Variants in ZNF304 observed in about 807,000 individuals in gnomAD.
ZNF304 encodes KRAB-containing zinc finger protein.
Under a neutral mutation model 7.8 loss-of-function variants are expected in ZNF304, and 7 were observed. The observed-to-expected ratio is 0.90, with a 90% CI of 0.51 to 1.69. ZNF304 has a LOEUF of 1.69. ZNF304 is among the 40% of genes most tolerant of loss of function. The probability of loss-of-function intolerance (pLI) is 0.00; values close to 1 mark genes in which losing one functional copy is unlikely to be tolerated. For missense variants in ZNF304, 669 were observed against 804.8 expected, an observed-to-expected ratio of 0.83 and a Z score of 2.04; for synonymous variants, 280 against 272.4, an observed-to-expected ratio of 1.03 and a Z score of -0.27.
In ZNF304 at chr19:57,351,548, T is replaced by C; in HGVS notation, c.-117T>C. 1 of 1,344,524 alleles carries C rather than the reference T, an allele frequency of 7.4e-7. No homozygotes were observed. The highest frequency in any genetic ancestry group is 1.2e-5 in the South Asian group (1 of 84,898). The allele number at this position is 1,344,524 out of a possible 1,614,324, so 83.3% of individuals were successfully genotyped here. ...GCAGCCGCCTTAGTCTTGTGAGCGT[T>C]TTTACACCGGGTAGATTGAGACTTG... On this transcript the variant is annotated 5_prime_UTR_variant, in exon 1 of 3. Coordinates refer to ENST00000282286, the MANE Select transcript of ZNF304 (RefSeq NM_020657.4). The surrounding 1 kb of genome is among the most constrained non-coding windows in gnomAD (Gnocchi z 4.1).
chr19:57,353,632 A>G, intron 1 of ZNF304, 93 bp from the exon 2 acceptor site: 1 of 1,488,218 alleles, frequency 6.7e-7, no homozygotes, highest in Non-Finnish European at 9.0e-7. Flanking sequence ...GAGGCGAGGG[A>G]CTAGAGAGTG....
At chr19:57,353,534 G>T (rs1240972558) in intron 1 of ZNF304, among the ~76,000 whole-genome samples, 191 bp from the exon 2 acceptor site, 1 of 152,198 alleles carries the variant, frequency 6.6e-6, no homozygotes, top group African/African-American at 2.4e-5. Context: ...TCTGCTCTGG[G>T]CTGGACACAG....
chr19:57,353,618 T>G, intron 1 of ZNF304, 107 bp from the exon 2 acceptor site: 1 of 1,441,454 alleles, frequency 6.9e-7, no homozygotes, highest in Admixed American at 2.5e-5. Flanking sequence ...GTTGGGAGGC[T>G]GGGGAGGCGA....
At position 57,356,790 on chromosome 19, in the gene ZNF304, T is replaced by C. The variant is rs2088347936; in HGVS notation, c.921T>C (p.Tyr307=). The change falls in exon 3 of 3, where the codon TAT becomes TAC. Residue 307 remains tyrosine, a synonymous_variant. Transcript: ENST00000282286. ...AATTTCACACTGGAAAAAGACACTA[T>C]ACATGCAGTGAATGTGGGAAGGCCT... The part of the protein sequence containing the change: ...HQKFHTGKRH[Y]TCSECGKAFS... 7.4e-6 allele frequency: 12 copies of C among 1,614,222 alleles called. No individual in the cohort carries two copies. Among genetic ancestry groups the C allele is most frequent in the African/African-American group, 1.3e-5 (1 of 75,054 alleles).
At position 57,357,995 on chromosome 19, in the gene ZNF304, C is replaced by A; in HGVS notation, c.*146C>A. ...AGCTAGCAGATGAGCACCGTATATT[C>A]ATTCCACCCTGGGGAGATTCCTGAT... On this transcript the variant is annotated 3_prime_UTR_variant, in exon 3 of 3. Transcript: ENST00000282286. The A allele has an allele frequency of 2.0e-6, 2 of 1,007,934 alleles. No individual in the cohort carries two copies. The highest frequency in any genetic ancestry group is 1.4e-6 in the Non-Finnish European group (1 of 694,388). 62.4% of individuals were successfully genotyped at this position (1,007,934 alleles called of 1,614,324 possible). A position where few individuals can be genotyped will look rare whatever the true frequency, so the allele number is the denominator to read the frequency against.
intron 2 of ZNF304, chr19:57,355,535 C>G: frequency 1.6e-6 from 1 of 612,826 alleles, no homozygotes; most frequent in Non-Finnish European, 2.9e-6. Flanking sequence ...GGCACTTTTT[C>G]CATTTGTCAT....
At chr19:57,353,306 T>C (rs1280852047) in intron 1 of ZNF304, among the ~76,000 whole-genome samples, 2 of 152,084 alleles carry the variant, frequency 1.3e-5, no homozygotes, top group Admixed American at 6.5e-5. Context: ...GTGAGGAAGG[T>C]GTAGTCCAAA....
In ZNF304 at chr19:57,359,173, G is replaced by A. The variant is rs2122995727; in HGVS notation, c.*1324G>A. The stretch of plus-strand genomic sequence containing the variant: ...AATCTAAATGTTTGTGGATTCCTGT[G>A]TCTCCCTGGGCAGTTGACCTGCACA... On this transcript the variant is annotated 3_prime_UTR_variant, in exon 3 of 3. Transcript: ENST00000282286. 6.6e-6 allele frequency: 1 copy of A among 152,346 alleles called. No homozygotes were observed. Among genetic ancestry groups the A allele is most frequent in the South Asian group, 2.1e-4 (1 of 4,828 alleles). The allele number at this position is 152,346 out of a possible 1,614,324, so 9.4% of individuals were successfully genotyped here.
At position 57,357,577 on chromosome 19, in the gene ZNF304, A is replaced by G. The variant is rs1190176808; in HGVS notation, c.1708A>G (p.Ser570Gly). The G allele has an allele frequency of 6.2e-7, 1 of 1,613,710 alleles. No individual in the cohort carries two copies. The highest frequency in any genetic ancestry group is 8.5e-7 in the Non-Finnish European group (1 of 1,179,936). Residue 570 changes from serine (S) to glycine (G), a missense_variant, in exon 3 of 3, where the codon AGT (serine) becomes GGT (glycine). By Grantham distance (56) the Ser-to-Gly change is moderately conservative (BLOSUM62 0). Coordinates refer to ENST00000282286, the MANE Select transcript of ZNF304 (RefSeq NM_020657.4). The part of the protein sequence containing the change: ...VCSECGKAYI[S>G]SSHLVQHKKV... ...CAGTGAATGTGGGAAGGCTTACATT[A>G]GTAGCTCCCACCTTGTTCAACACAA...
At position 57,351,798 on chromosome 19, in the gene ZNF304, G is replaced by A. The variant is rs541633076; in HGVS notation, c.33+101G>A. On this transcript the variant is annotated intron_variant, in intron 1 of 2. Coordinates refer to ENST00000282286, the MANE Select transcript of ZNF304 (RefSeq NM_020657.4). This position sits in a 1 kb window ranked among gnomAD's most constrained non-coding sequence, Gnocchi z 4.1. ...CAGGGTGCTCACTCCGTCGCATTAT[G>A]TGGAGGGGTTCCGCTCCCCTCATCA... The A allele has an allele frequency of 5.2e-6, 7 of 1,341,428 alleles. No homozygotes were observed. In the Admixed American group the frequency reaches 1.2e-4, roughly 24 times the overall value. 83.1% of individuals were successfully genotyped at this position (1,341,428 alleles called of 1,614,324 possible).
Position 57,357,791 on chromosome 19 carries a change from G to A in ZNF304, c.1922G>A (p.Arg641Lys), listed in dbSNP as rs1204568144. Residue 641 changes from arginine to lysine, a missense_variant, in exon 3 of 3, where the codon AGA (arginine) becomes AAA (lysine). By Grantham distance (26) the Arg-to-Lys change is conservative. Transcript: ENST00000282286. ...VRHQKAHTGE[R>K]AHECNSFGGP... The stretch of plus-strand genomic sequence containing the variant: ...CACCAGAAAGCTCACACTGGAGAAA[G>A]AGCTCACGAGTGCAACAGTTTTGGT... 8.1e-6 allele frequency: 13 copies of A among 1,612,974 alleles called. No homozygotes were observed. The highest frequency in any genetic ancestry group is 1.1e-5 in the Non-Finnish European group (13 of 1,179,694).
chr19:57,352,286 C>T (rs186471105), intron 1 of ZNF304, among the ~76,000 whole-genome samples: 11 of 152,316 alleles, frequency 7.2e-5, no homozygotes, highest in Admixed American at 1.3e-4. Context: ...TGGGATTCTT[C>T]ACATGACTGT....
chr19:57,357,668 C>G lies in ZNF304; in HGVS notation c.1799C>G (p.Ser600Cys), dbSNP rs770894572. The change falls in exon 3 of 3, where the codon TCT (serine) becomes TGT (cysteine). Residue 600 changes from serine to cysteine, a missense_variant. By Grantham distance (112) the Ser-to-Cys change is moderately radical. Transcript: ENST00000282286. ...TGTGGGAAATTCTTTAGCCGCAACT[C>G]TGGCCTCATTCTGCACCAGAGGGTT... Reference protein sequence around the residue: ...SECGKFFSRNSGLILHQRVHT... With the variant: ...SECGKFFSRNCGLILHQRVHT... 1.9e-6 allele frequency: 3 copies of G among 1,614,182 alleles called. No individual in the cohort carries two copies. Among genetic ancestry groups the G allele is most frequent in the Non-Finnish European group, 2.5e-6 (3 of 1,180,026 alleles).
chr19:57,356,820 C>T lies in ZNF304; in HGVS notation c.951C>T (p.Ser317=). ...YTCSECGKAF[S]RKDTLVQHQR... is the part of the protein sequence containing the mutation. ...GCAGTGAATGTGGGAAGGCCTTCAG[C>T]CGCAAGGACACACTTGTTCAGCATC... is the stretch of plus-strand genomic sequence containing the variant. The change falls in exon 3 of 3, where the codon AGC becomes AGT. Residue 317 remains serine, a synonymous_variant. Coordinates refer to ENST00000282286, the MANE Select transcript of ZNF304 (RefSeq NM_020657.4). 6.2e-7 allele frequency: 1 copy of T among 1,614,156 alleles called. No homozygotes were observed. Among genetic ancestry groups the T allele is most frequent in the Non-Finnish European group, 8.5e-7 (1 of 1,180,026 alleles).
Position 57,351,846 on chromosome 19 carries a change from C to CCTCA in ZNF304, c.33+149_33+150insCTCA, listed in dbSNP as rs2088278871. Reference sequence around the variant, plus strand: ...TCAGTGGCATAAGGTGTGGAACGGACTCGAAGGCGCAGGGGCAGTTCGTAC... The same window carrying CCTCA: ...TCAGTGGCATAAGGTGTGGAACGGACCTCATCGAAGGCGCAGGGGCAGTTCGTAC... On this transcript the variant is annotated intron_variant, in intron 1 of 2. Coordinates refer to ENST00000282286, the MANE Select transcript of ZNF304 (RefSeq NM_020657.4). The surrounding 1 kb of genome is among the most constrained non-coding windows in gnomAD (Gnocchi z 4.1). 3 of 808,816 alleles carry CCTCA rather than the reference C, an allele frequency of 3.7e-6. No homozygotes were observed. The Admixed American group carries it at 8.9e-5, about 24-fold the overall frequency. 50.1% of individuals were successfully genotyped at this position (808,816 alleles called of 1,614,324 possible).
intron 1 of ZNF304, among the ~76,000 whole-genome samples, chr19:57,352,184 C>A (rs862699): frequency 0.066 from 10,029 of 152,188 alleles, 452 homozygotes; most frequent in East Asian, 0.23. Context: ...GTGGTGGCAG[C>A]AGAGGTTAGA....
In ZNF304 at chr19:57,356,629, C is replaced by T. The variant is rs376377440; in HGVS notation, c.760C>T (p.Leu254=). ...THAEVRPFRC[L]PCGNVFKEKS... ...TGCTGAGGTGAGACCCTTCAGATGC[C>T]TACCATGTGGAAATGTGTTCAAGGA... The change falls in exon 3 of 3, where the codon CTA becomes TTA. Residue 254 remains leucine, a synonymous_variant. Coordinates refer to ENST00000282286, the MANE Select transcript of ZNF304 (RefSeq NM_020657.4). 6.2e-7 allele frequency: 1 copy of T among 1,614,204 alleles called. No homozygotes were observed. Among genetic ancestry groups the T allele is most frequent in the Non-Finnish European group, 8.5e-7 (1 of 1,180,038 alleles).
rs183376447 is a variant in ZNF304, at chr19:57,357,988, G to A, written c.*139G>A. 495 of 1,067,234 alleles carry A rather than the reference G, an allele frequency of 4.6e-4. 1 individual carries two copies. In the African/African-American group the frequency reaches 5.5e-3, roughly 12 times the overall value. The allele number at this position is 1,067,234 out of a possible 1,614,324, so 66.1% of individuals were successfully genotyped here. On this transcript the variant is annotated 3_prime_UTR_variant, in exon 3 of 3. Coordinates refer to ENST00000282286, the MANE Select transcript of ZNF304 (RefSeq NM_020657.4). ...AACCATCAGCTAGCAGATGAGCACCGTATATTCATTCCACCCTGGGGAGAT... is the reference window on the plus strand; with the variant it reads ...AACCATCAGCTAGCAGATGAGCACCATATATTCATTCCACCCTGGGGAGAT...
At position 57,356,014 on chromosome 19, in the gene ZNF304, T is replaced by C; in HGVS notation, c.161-16T>C. The C allele has an allele frequency of 6.3e-7, 1 of 1,586,356 alleles. No homozygotes were observed. The highest frequency in any genetic ancestry group is 8.6e-7 in the Non-Finnish European group (1 of 1,163,894). ...CAAAGTCAGCATGCACTTCACCAGC[T>C]CTTTTTTGCTTTCAGGTTTTTGGTG... On this transcript the variant is annotated splice_polypyrimidine_tract_variant and intron_variant, in intron 2 of 2. Transcript: ENST00000282286.
Sources: allele counts gnomAD v4.1 joint callset (sites outside exome capture counted in the v4.1 genomes callset), GRCh38; gene constraint gnomAD v4.1.1; non-coding constraint Gnocchi (gnomAD v3.1); transcripts MANE v1.5; gene names NCBI Gene and HGNC (gene_info 2026-07-23, HGNC 2026-07-21).